DDRGK1: variants seen among roughly 807,000 people sequenced by gnomAD.
DDRGK1 encodes DDRGK domain-containing protein 1.
In DDRGK1, 38 loss-of-function variants were observed where a neutral mutation model predicts 45.8. The ratio of observed to expected loss-of-function variants is 0.83; its 90% CI spans 0.64 to 1.09. DDRGK1 has a LOEUF of 1.09. Ranked by LOEUF, DDRGK1 falls within the 50% of genes least tolerant of loss-of-function variation. The probability of loss-of-function intolerance (pLI) is 0.00; values close to 1 mark genes in which losing one functional copy is unlikely to be tolerated. For synonymous variants in DDRGK1, 171 were observed against 168.7 expected (o/e 1.01, Z -0.11); for missense variants, 403 against 419.9 (o/e 0.96, Z 0.35).
intron 4 of DDRGK1, among the ~76,000 whole-genome samples, chr20:3,196,541 C>T (rs1378219334): frequency 9.0e-6 from 1 of 111,284 alleles, no homozygotes. Flanking sequence ...ATTAGCCGGG[C>T]GTGGTGGTGG....
At chr20:3,197,994 T>G (rs988374412) in intron 4 of DDRGK1, among the ~76,000 whole-genome samples, 1 of 149,406 alleles carries the variant, frequency 6.7e-6, no homozygotes, top group African/African-American at 2.5e-5. Context: ...TGCACACCTG[T>G]AGCCCCAGCT....
intron 4 of DDRGK1, among the ~76,000 whole-genome samples, chr20:3,199,157 T>C (rs1020066966): frequency 3.3e-5 from 5 of 151,936 alleles, no homozygotes; most frequent in African/African-American, 1.2e-4. Context: ...CCTGTCTTAA[T>C]CAATCAATAA....
rs752807132 is a variant in DDRGK1, at chr20:3,194,888, AG to A, written c.634-21del. On this transcript the variant is annotated intron_variant, in intron 5 of 8. Coordinates refer to ENST00000354488, the MANE Select transcript of DDRGK1 (RefSeq NM_023935.3). The stretch of plus-strand genomic sequence containing the variant: ...CTGGGACTAGAGAAGCAGAGAAATC[AG>A]GGTGAGCACCCCCTAGCAAGCCCAC... The A allele has an allele frequency of 1.3e-4, 212 of 1,613,676 alleles. No homozygotes were observed. Among genetic ancestry groups the A allele is most frequent in the Non-Finnish European group, 1.6e-4 (191 of 1,179,760 alleles).
chr20:3,201,940 G>A (rs1447141214), intron 2 of DDRGK1, among the ~76,000 whole-genome samples: 2 of 151,074 alleles, frequency 1.3e-5, no homozygotes, highest in African/African-American at 4.9e-5. Flanking sequence ...GGGATTACAG[G>A]CGTGAGCCAC....
Position 3,203,372 on chromosome 20 carries a change from G to A in DDRGK1, c.136C>T (p.Arg46Trp), listed in dbSNP as rs537714833. The change falls in exon 2 of 9, where the codon CGG (arginine) becomes TGG (tryptophan). Residue 46 changes from arginine to tryptophan, a missense_variant. By Grantham distance (101) the Arg-to-Trp change is moderately radical. Coordinates refer to ENST00000354488, the MANE Select transcript of DDRGK1 (RefSeq NM_023935.3). The stretch of plus-strand genomic sequence containing the variant: ...TCCAGGGGCCCAGGCTGGGCCACCC[G>A]GCCTGCTCCTGCCAGCTCCTCATTG... ...LHNEELAGAG[R>W]VAQPGPLEPE... 58 of 1,605,722 alleles carry A rather than the reference G, an allele frequency of 3.6e-5. 1 individual carries two copies. In the South Asian group the frequency reaches 5.4e-4, roughly 15 times the overall value.
intron 8 of DDRGK1, 106 bp downstream of exon 8, chr20:3,191,084 C>T: frequency 2.8e-6 from 4 of 1,447,778 alleles, no homozygotes; most frequent in Non-Finnish European, 2.9e-6. Flanking sequence ...CACACCCCTC[C>T]CCCCATCTTG....
intron 6 of DDRGK1, among the ~76,000 whole-genome samples, 182 bp from the exon 7 acceptor site, chr20:3,192,003 ACT>A (rs2066991726): frequency 1.4e-5 from 2 of 147,406 alleles, no homozygotes; most frequent in South Asian, 2.2e-4. Context: ...ACACACACTC[ACT>A]ATCACCCATT....
At chr20:3,196,650 C>T (rs1377441475) in intron 4 of DDRGK1, among the ~76,000 whole-genome samples, 1 of 152,120 alleles carries the variant, frequency 6.6e-6, no homozygotes. Context: ...CACTGCACTC[C>T]AGCCTGGGGG....
intron 6 of DDRGK1, among the ~76,000 whole-genome samples, 183 bp from the exon 7 acceptor site, chr20:3,192,004 C>CACAG: frequency 6.6e-6 from 1 of 150,726 alleles, no homozygotes; most frequent in Non-Finnish European, 1.5e-5. Flanking sequence ...CACACACTCA[C>CACAG]TATCACCCAT....
At chr20:3,192,071 T>C (rs1044021358) in intron 6 of DDRGK1, among the ~76,000 whole-genome samples, 2 of 151,346 alleles carry the variant, frequency 1.3e-5, no homozygotes, top group Non-Finnish European at 2.9e-5. Context: ...GAGGAAGGAA[T>C]CTACCCAAAA....
rs764740147 is a variant in DDRGK1 at position 3,200,013 on chromosome 20, C to T, written c.498G>A (p.Glu166=). 3 of 1,612,024 alleles carry T rather than the reference C, an allele frequency of 1.9e-6. No homozygotes were observed. The highest frequency in any genetic ancestry group is 2.5e-6 in the Non-Finnish European group (3 of 1,179,266). ...WKKEEERLRL[E]EEQKEEEERK... is the part of the protein sequence containing the mutation. ...GGGCTGGCCTCACCTTCTGCTCCTC[C>T]TCCAGGCGAAGCCGCTCCTCCTCCT... The change falls in exon 4 of 9, where the codon GAG becomes GAA. Residue 166 remains glutamate, a synonymous_variant. Transcript: ENST00000354488.
chr20:3,201,731 C>T (rs890878995), intron 2 of DDRGK1, among the ~76,000 whole-genome samples: 1 of 150,256 alleles, frequency 6.7e-6, no homozygotes, highest in African/African-American at 2.4e-5. Context: ...GATCTCGGCT[C>T]GCTGCAAGCA....
Position 3,200,044 on chromosome 20 carries a change from C to A in DDRGK1, c.467G>T (p.Trp156Leu). 6.2e-7 allele frequency: 1 copy of A among 1,613,912 alleles called. No individual in the cohort carries two copies. The highest frequency in any genetic ancestry group is 8.5e-7 in the Non-Finnish European group (1 of 1,179,994). The change falls in exon 4 of 9, where the codon TGG (tryptophan) becomes TTG (leucine). Residue 156 changes from tryptophan to leucine, a missense_variant. Trp to Leu is a moderately conservative substitution (Grantham distance 61, BLOSUM62 -2). Transcript: ENST00000354488. Reference sequence around the variant, plus strand: ...GCGAAGCCGCTCCTCCTCCTTCTTCCACTCAGCTTCGCGCTGGGACTCGAG... The same window carrying A: ...GCGAAGCCGCTCCTCCTCCTTCTTCAACTCAGCTTCGCGCTGGGACTCGAG... ...KRLESQREAE[W>L]KKEEERLRLE...
intron 1 of DDRGK1, among the ~76,000 whole-genome samples, chr20:3,204,334 C>A (rs117450947): frequency 0.017 from 2,628 of 152,216 alleles, 30 homozygotes; most frequent in Middle Eastern, 0.082. Context: ...GGCTTGGAGT[C>A]GAGAGAAAGG....
Position 3,195,258 on chromosome 20 carries a change from G to A in DDRGK1, c.606C>T (p.Gly202=), listed in dbSNP as rs763107136. Residue 202 remains glycine, a synonymous_variant, in exon 5 of 9, where the codon GGC becomes GGT. Transcript: ENST00000354488. ...LKEAFVVEEE[G]VGETMTEEQS... is the part of the protein sequence containing the mutation. ...GTTCCTCAGTCATGGTCTCTCCTAC[G>A]CCTTCCTCCTCCACCACAAAGGCCT... is the stretch of plus-strand genomic sequence containing the variant. 47 of 1,613,908 alleles carry A rather than the reference G, an allele frequency of 2.9e-5. No homozygotes were observed. The highest frequency in any genetic ancestry group is 1.2e-4 in the South Asian group (11 of 91,086).
At chr20:3,201,991 G>A (rs1352372401) in intron 2 of DDRGK1, among the ~76,000 whole-genome samples, 2 of 110,338 alleles carry the variant, frequency 1.8e-5, no homozygotes, top group Non-Finnish European at 3.7e-5. Flanking sequence ...TTGTTTATTT[G>A]TTTTTGGAGA....
intron 1 of DDRGK1, 102 bp from the exon 2 acceptor site, chr20:3,203,518 T>C (rs2067051426): frequency 7.2e-7 from 1 of 1,393,816 alleles, no homozygotes. Flanking sequence ...CTTAGCGGCC[T>C]GCTGCCCACA....
intron 4 of DDRGK1, among the ~76,000 whole-genome samples, chr20:3,198,951 G>A (rs1174757955): frequency 1.4e-5 from 2 of 140,674 alleles, no homozygotes; most frequent in Non-Finnish European, 3.0e-5. Context: ...AAAGCAGCCT[G>A]GGAAACACGG....
intron 4 of DDRGK1, among the ~76,000 whole-genome samples, chr20:3,199,136 C>T (rs1021003818): frequency 1.3e-5 from 2 of 151,948 alleles, no homozygotes; most frequent in Non-Finnish European, 2.9e-5. Flanking sequence ...GCCTGGGCAA[C>T]GGAGCAAGAC....
Sources: allele counts gnomAD v4.1 joint callset (sites outside exome capture counted in the v4.1 genomes callset), GRCh38; gene constraint gnomAD v4.1.1; transcripts MANE v1.5; gene names NCBI Gene and HGNC (gene_info 2026-07-23, HGNC 2026-07-21).